PAFAH1B2: variants seen among roughly 807,000 people sequenced by gnomAD.
The protein encoded by PAFAH1B2 is platelet activating factor acetylhydrolase 1b catalytic subunit 2.
PAFAH1B2 carries 8 observed loss-of-function variants against 28.0 expected under a neutral mutation model. The ratio of observed to expected loss-of-function variants is 0.29; its 90% CI spans 0.17 to 0.52. The LOEUF (loss-of-function observed/expected upper bound fraction) is 0.52. Ranked by LOEUF, PAFAH1B2 falls within the 20% of genes least tolerant of loss-of-function variation. The pLI is 0.97. For missense variants in PAFAH1B2, 190 were observed against 282.6 expected (o/e 0.67, Z 2.35); for synonymous variants, 104 against 103.2 (o/e 1.01, Z -0.05).
chr11:117,147,044 G>A (rs760168003), intron 1 of PAFAH1B2, among the ~76,000 whole-genome samples: 3 of 151,942 alleles, frequency 2.0e-5, no homozygotes, highest in Admixed American at 6.6e-5. Context: ...CAAGGTGGGC[G>A]GATCACCTGA....
rs1233452795 is a variant in PAFAH1B2 at position 117,152,456 on chromosome 11, A to G, written c.9A>G (p.Gln3=). The G allele has an allele frequency of 1.9e-6, 3 of 1,612,356 alleles. No homozygotes were observed. MS[Q]GDSNPAAIPH... ...TTTTTCTCAGGTGTAGAATGAGCCA[A>G]GGAGACTCAAACCCAGCAGCTATTC... is the stretch of plus-strand genomic sequence containing the variant. The change falls in exon 2 of 6, where the codon CAA becomes CAG. Residue 3 remains glutamine (Q), a synonymous_variant. Transcript: ENST00000527958.
intron 1 of PAFAH1B2, among the ~76,000 whole-genome samples, chr11:117,150,222 G>T (rs1002744823): frequency 8.5e-5 from 13 of 152,222 alleles, no homozygotes; most frequent in Non-Finnish European, 1.6e-4. Flanking sequence ...TTGCTCTGTT[G>T]CTGCAACTTC....
rs1056977981 is a variant in PAFAH1B2, at chr11:117,152,604, G to A, written c.81+76G>A. The A allele has an allele frequency of 2.0e-5, 21 of 1,060,952 alleles. No homozygotes were observed. In the African/African-American group the frequency reaches 3.0e-4, roughly 15 times the overall value. 65.7% of individuals were successfully genotyped at this position (1,060,952 alleles called of 1,614,324 possible). On this transcript the variant is annotated intron_variant, in intron 2 of 5. Coordinates refer to ENST00000527958, the MANE Select transcript of PAFAH1B2 (RefSeq NM_002572.4). Reference sequence around the variant, plus strand: ...TTGTCTGTTTTGTTTTAGTTTTTGAGACAAGGTCTCACTGTGTTGCCCAGG... The same window carrying A: ...TTGTCTGTTTTGTTTTAGTTTTTGAAACAAGGTCTCACTGTGTTGCCCAGG...
chr11:117,176,073 G>A (rs2029966988), exon 6 of PAFAH1B2: 3 of 768,922 alleles, frequency 3.9e-6, no homozygotes, highest in East Asian at 2.7e-5. Context: ...TCGCCTAGAT[G>A]TGCTGGAAAC....
At chr11:117,145,391 G>A (rs933897862) in intron 1 of PAFAH1B2, among the ~76,000 whole-genome samples, 2 of 152,030 alleles carry the variant, frequency 1.3e-5, no homozygotes, top group Non-Finnish European at 2.9e-5. Context: ...AAGACCACCC[G>A]GATCCACCCT....
intron 5 of PAFAH1B2, among the ~76,000 whole-genome samples, chr11:117,167,036 A>C (rs1465696004): frequency 6.6e-6 from 1 of 152,250 alleles, no homozygotes; most frequent in African/African-American, 2.4e-5. Flanking sequence ...TGACCAGTTG[A>C]TAAAGAGGAA....
chr11:117,155,722 C>G (rs1004885965), intron 2 of PAFAH1B2, among the ~76,000 whole-genome samples: 1 of 151,888 alleles, frequency 6.6e-6, no homozygotes, highest in Non-Finnish European at 1.5e-5. Context: ...ATCACACTTA[C>G]TAGATTCACA....
downstream of PAFAH1B2, chr11:117,174,895 G>A (rs771942216): frequency 4.0e-5 from 61 of 1,524,496 alleles, no homozygotes; most frequent in Middle Eastern, 3.3e-4. Context: ...GATTACAGGC[G>A]TGAGTCACCG....
At position 117,167,717 on chromosome 11, in the gene PAFAH1B2, T is replaced by A. The variant is rs1252053345; in HGVS notation, c.*18T>A. ...TTGCCTGACTGGCTCTTATCAGTGTTAATAGCATCTCAGCTTCCTCAGATC... is the reference window on the plus strand; with the variant it reads ...TTGCCTGACTGGCTCTTATCAGTGTAAATAGCATCTCAGCTTCCTCAGATC... On this transcript the variant is annotated 3_prime_UTR_variant, in exon 6 of 6. Transcript: ENST00000527958. 6.6e-7 allele frequency: 1 copy of A among 1,505,132 alleles called. No individual in the cohort carries two copies. The highest frequency in any genetic ancestry group is 1.4e-5 in the African/African-American group (1 of 72,258). The allele number at this position is 1,505,132 out of a possible 1,614,324, so 93.2% of individuals were successfully genotyped here.
chr11:117,149,015 G>A (rs1302394780), intron 1 of PAFAH1B2, among the ~76,000 whole-genome samples: 3 of 146,030 alleles, frequency 2.1e-5, no homozygotes, highest in South Asian at 2.2e-4. Flanking sequence ...TTACAGGCAC[G>A]CACCACAACA....
downstream of PAFAH1B2, among the ~76,000 whole-genome samples, chr11:117,173,007 C>T (rs747024837): frequency 2.0e-5 from 3 of 152,248 alleles, no homozygotes; most frequent in Non-Finnish European, 4.4e-5. Flanking sequence ...ACCCAGCCGC[C>T]TGTCTTCTGA....
chr11:117,147,864 C>T (rs1956050225), intron 1 of PAFAH1B2, among the ~76,000 whole-genome samples: 1 of 152,150 alleles, frequency 6.6e-6, no homozygotes, highest in Admixed American at 6.5e-5. Flanking sequence ...CTTGTAGCTT[C>T]AGATAAGTGA....
intron 5 of PAFAH1B2, among the ~76,000 whole-genome samples, 177 bp from the exon 6 acceptor site, chr11:117,167,244 T>C (rs1276372897): frequency 6.6e-6 from 1 of 152,140 alleles, no homozygotes. Context: ...AGGGAACCCA[T>C]GAAAAAACTA....
At chr11:117,158,881 G>A (rs1043954940) in intron 2 of PAFAH1B2, among the ~76,000 whole-genome samples, 2 of 152,266 alleles carry the variant, frequency 1.3e-5, no homozygotes, top group African/African-American at 2.4e-5. Flanking sequence ...CCAACCTCAG[G>A]TGATCTGCCC....
chr11:117,169,231 GTC>G lies in PAFAH1B2; in HGVS notation c.*1534_*1535del, dbSNP rs2134222088. On this transcript the variant is annotated 3_prime_UTR_variant, in exon 6 of 6. Coordinates refer to ENST00000527958, the MANE Select transcript of PAFAH1B2 (RefSeq NM_002572.4). ...ACTAGGTTTGTTTCACTTCTGAGGT[GTC>G]TTATTAATGTACTTCATCTGAGAAT... The G allele has an allele frequency of 9.6e-7, 1 of 1,036,680 alleles. No homozygotes were observed. The highest frequency in any genetic ancestry group is 5.6e-5 in the Admixed American group (1 of 17,706). The allele number at this position is 1,036,680 out of a possible 1,614,324, so 64.2% of individuals were successfully genotyped here. A position where few individuals can be genotyped will look rare whatever the true frequency, so the allele number is the denominator to read the frequency against.
At chr11:117,164,773 C>T (rs1432255697) in intron 5 of PAFAH1B2, among the ~76,000 whole-genome samples, 2 of 151,764 alleles carry the variant, frequency 1.3e-5, no homozygotes, top group African/African-American at 2.4e-5. Flanking sequence ...TGGTGGCTCA[C>T]GTCTGTAATC....
At position 117,168,966 on chromosome 11, in the gene PAFAH1B2, T is replaced by C. The variant is rs1956583455; in HGVS notation, c.*1267T>C. 3.2e-6 allele frequency: 1 copy of C among 315,714 alleles called. No individual in the cohort carries two copies. The highest frequency in any genetic ancestry group is 8.7e-5 in the East Asian group (1 of 11,532). The allele number at this position is 315,714 out of a possible 1,614,324, so 19.6% of individuals were successfully genotyped here. On this transcript the variant is annotated 3_prime_UTR_variant, in exon 6 of 6. Coordinates refer to ENST00000527958, the MANE Select transcript of PAFAH1B2 (RefSeq NM_002572.4). ...CCACCATGCCCGGCTAATTTTTATATTTTTATTAGAGACGGGATTTCGCCA... is the reference window on the plus strand; with the variant it reads ...CCACCATGCCCGGCTAATTTTTATACTTTTATTAGAGACGGGATTTCGCCA...
At chr11:117,171,516 A>G, downstream of PAFAH1B2, 1 of 583,022 alleles carries the variant, frequency 1.7e-6, no homozygotes, top group Non-Finnish European at 3.1e-6. Flanking sequence ...AGCCTGGGCA[A>G]CAGAGCGAGA....
At chr11:117,147,118 A>C (rs1050792752) in intron 1 of PAFAH1B2, among the ~76,000 whole-genome samples, 2 of 151,922 alleles carry the variant, frequency 1.3e-5, no homozygotes, top group Non-Finnish European at 2.9e-5. Context: ...AAAATACAAA[A>C]ATTAGCTGGG....
Sources: gnomAD v4.1 joint callset for allele counts (sites outside exome capture counted in the v4.1 genomes callset) on GRCh38, gnomAD v4.1.1 for gene constraint, MANE v1.5 for transcripts, NCBI Gene and HGNC (gene_info 2026-07-23, HGNC 2026-07-21) for gene names.